Variants in PDSS1 observed in about 807,000 individuals in gnomAD.
PDSS1 encodes all trans-polyprenyl-diphosphate synthase PDSS1.
A neutral mutation model predicts 57.5 loss-of-function variants in PDSS1; 43 were observed. The observed-to-expected ratio is 0.75, with a 90% confidence interval of 0.59 to 0.96. The LOEUF (loss-of-function observed/expected upper bound fraction) is 0.96. PDSS1 is among the 50% of genes least tolerant of loss of function. The probability of loss-of-function intolerance (pLI) is 0.00; values close to 1 mark genes in which losing one functional copy is unlikely to be tolerated. For missense variants in PDSS1, 438 were observed against 527.8 expected (o/e 0.83, Z 1.67); for synonymous variants, 175 against 191.3 (o/e 0.91, Z 0.70).
At chr10:26,713,899 C>G (rs1229655833) in intron 5 of PDSS1, among the ~76,000 whole-genome samples, 1 of 151,942 alleles carries the variant, frequency 6.6e-6, no homozygotes, top group Non-Finnish European at 1.5e-5. Context: ...TAGGCTGTGC[C>G]CCTTCGGGAG....
At chr10:26,700,111 A>G (rs192515962) in intron 1 of PDSS1, among the ~76,000 whole-genome samples, 1 of 152,358 alleles carries the variant, frequency 6.6e-6, no homozygotes, top group Admixed American at 6.5e-5. Flanking sequence ...TTGTAATACA[A>G]TAAAAACCAG....
rs1835440463 is a variant in PDSS1, at chr10:26,712,854, C to G, written c.467+3086C>G. 2.0e-5 allele frequency among the ~76,000 whole-genome samples: 2 copies of G among 98,736 alleles called. 1 individual carries two copies. Among genetic ancestry groups the G allele is most frequent in the South Asian group, 5.4e-4 (2 of 3,730 alleles). 64.8% of individuals were successfully genotyped at this position (98,736 alleles called of 152,430 possible). ...TCAGTGAACCTGACATTGAACCTGA[C>G]AGGCTTGCTTGTTGGTGATGTCATA... is the stretch of plus-strand genomic sequence containing the variant. On this transcript the variant is annotated intron_variant, in intron 5 of 11. Transcript: ENST00000376215.
chr10:26,736,292 A>G (rs997043736), intron 10 of PDSS1, among the ~76,000 whole-genome samples: 3 of 152,258 alleles, frequency 2.0e-5, no homozygotes, highest in African/African-American at 7.2e-5. Context: ...GTTACTTGAA[A>G]TAAGTGAGAC....
chr10:26,707,066 T>C (rs1564417998), intron 4 of PDSS1, among the ~76,000 whole-genome samples: 1 of 152,172 alleles, frequency 6.6e-6, no homozygotes, highest in Non-Finnish European at 1.5e-5. Context: ...TCCAGGGACT[T>C]GCATCCCGTC....
intron 10 of PDSS1, among the ~76,000 whole-genome samples, chr10:26,738,355 T>C: frequency 6.6e-6 from 1 of 152,220 alleles, no homozygotes; most frequent in East Asian, 1.9e-4. Flanking sequence ...AAACATCTGG[T>C]AAATGGCACA....
At position 26,697,847 on chromosome 10, in the gene PDSS1, T is replaced by C. The variant is rs886046934; in HGVS notation, c.129+7T>C. The C allele has an allele frequency of 1.5e-6, 2 of 1,313,658 alleles. No homozygotes were observed. Among genetic ancestry groups the C allele is most frequent in the Non-Finnish European group, 2.0e-6 (2 of 1,022,916 alleles). 81.4% of individuals were successfully genotyped at this position (1,313,658 alleles called of 1,614,324 possible). A position where few individuals can be genotyped will look rare whatever the true frequency, so the allele number is the denominator to read the frequency against. On this transcript the variant is annotated splice_region_variant and intron_variant, in intron 1 of 11. Coordinates refer to ENST00000376215, the MANE Select transcript of PDSS1 (RefSeq NM_014317.5). Reference sequence around the variant, plus strand: ...TGCCGAAGTCCGCGCGCAGGTGAGGTTGGGAGGCGCGCGCCCGGCGGGGCT... The same window carrying C: ...TGCCGAAGTCCGCGCGCAGGTGAGGCTGGGAGGCGCGCGCCCGGCGGGGCT...
chr10:26,710,052 GCT>G (rs1271638119), intron 5 of PDSS1, among the ~76,000 whole-genome samples: 7 of 151,522 alleles, frequency 4.6e-5, no homozygotes, highest in Non-Finnish European at 5.9e-5. Flanking sequence ...TACTTGGGAG[GCT>G]GAGGCAGGAG....
rs199508560 is a variant in PDSS1, at chr10:26,705,949, C to T, written c.336+555C>T. ...AAGGAAAAAAATGGTCCAGGTAGCT[C>T]ATGCTTGTCCAATGAGTTATCCCAC... On this transcript the variant is annotated intron_variant, in intron 4 of 11. Transcript: ENST00000376215. Among the ~76,000 whole-genome samples, 5 of 152,316 alleles carry T rather than the reference C, an allele frequency of 3.3e-5. No individual in the cohort carries two copies. The East Asian group carries it at 9.6e-4, about 29-fold the overall frequency.
chr10:26,714,095 C>T (rs1835481378), intron 5 of PDSS1, among the ~76,000 whole-genome samples: 1 of 152,156 alleles, frequency 6.6e-6, no homozygotes, highest in African/African-American at 2.4e-5. Context: ...TAAACTTCAT[C>T]TCAGAGTCTG....
At chr10:26,721,232 G>C (rs1835770575) in intron 6 of PDSS1, among the ~76,000 whole-genome samples, 1 of 151,558 alleles carries the variant, frequency 6.6e-6, no homozygotes, top group Admixed American at 6.6e-5. Flanking sequence ...CTGGGAGAGG[G>C]AGGTTGCAGT....
At chr10:26,709,375 C>T (rs903139691) in intron 4 of PDSS1, among the ~76,000 whole-genome samples, 8 of 152,138 alleles carry the variant, frequency 5.3e-5, no homozygotes, top group East Asian at 1.9e-4. Flanking sequence ...GCCTGGCCAA[C>T]GTGGTGAAAT....
Position 26,710,838 on chromosome 10 carries a change from G to A in PDSS1, c.467+1070G>A, listed in dbSNP as rs1835392851. On this transcript the variant is annotated intron_variant, in intron 5 of 11. Transcript: ENST00000376215. ...ACAGGACTGGGTAGCAGGAGAAGCT[G>A]AGCTGGAATCAACAGCCTGAAACAC... is the stretch of plus-strand genomic sequence containing the variant. Among the ~76,000 whole-genome samples, 2 of 99,316 alleles carry A rather than the reference G, an allele frequency of 2.0e-5. 1 individual carries two copies. Among genetic ancestry groups the A allele is most frequent in the South Asian group, 5.3e-4 (2 of 3,772 alleles). The allele number at this position is 99,316 out of a possible 152,430, so 65.2% of individuals were successfully genotyped here.
Position 26,697,770 on chromosome 10 carries a change from GC to G in PDSS1, c.63del (p.Gly24AlafsTer38). On this transcript the variant is annotated frameshift_variant, in exon 1 of 12. Transcript: ENST00000376215. LOFTEE classifies it high-confidence loss of function. ...RGCSWKPAAR[S>X]PGPGSPGRAG... is the part of the protein sequence containing the mutation. Reference sequence around the variant, plus strand: ...TGCTCCTGGAAGCCGGCGGCGCGGAGCCCCGGGCCCGGCTCCCCCGGCCGTG... The same window carrying G: ...TGCTCCTGGAAGCCGGCGGCGCGGAGCCCGGGCCCGGCTCCCCCGGCCGTG... 1.5e-6 allele frequency: 2 copies of G among 1,293,364 alleles called. No homozygotes were observed. The highest frequency in any genetic ancestry group is 1.9e-6 in the Non-Finnish European group (2 of 1,026,124). 80.1% of individuals were successfully genotyped at this position (1,293,364 alleles called of 1,614,324 possible). A position where few individuals can be genotyped will look rare whatever the true frequency, so the allele number is the denominator to read the frequency against.
chr10:26,711,812 G>A (rs1293226202), intron 5 of PDSS1, among the ~76,000 whole-genome samples: 1 of 93,728 alleles, frequency 1.1e-5, no homozygotes, highest in Non-Finnish European at 2.4e-5. Context: ...ATGGTCCCAC[G>A]CAGCGCAGAT....
chr10:26,737,100 T>G (rs1015530194), intron 10 of PDSS1, among the ~76,000 whole-genome samples: 1 of 152,224 alleles, frequency 6.6e-6, no homozygotes, highest in Non-Finnish European at 1.5e-5. Flanking sequence ...TTCCTTTACC[T>G]AGGCTCAGAT....
chr10:26,707,167 G>A (rs1835259205), intron 4 of PDSS1, among the ~76,000 whole-genome samples: 2 of 152,148 alleles, frequency 1.3e-5, no homozygotes, highest in Admixed American at 6.5e-5. Context: ...GTTTACCGGA[G>A]TTTTGCGCAT....
chr10:26,734,232 C>G (rs1331945937), intron 8 of PDSS1, among the ~76,000 whole-genome samples: 2 of 152,258 alleles, frequency 1.3e-5, no homozygotes, highest in African/African-American at 2.4e-5. Context: ...AAAGTTCACT[C>G]CCTGACTGGA....
intron 6 of PDSS1, among the ~76,000 whole-genome samples, chr10:26,722,166 G>C (rs948041326): frequency 1.3e-5 from 2 of 152,172 alleles, no homozygotes; most frequent in African/African-American, 4.8e-5. Flanking sequence ...AGCTGCTAAT[G>C]ATGTAGGGGC....
chr10:26,709,388 C>T (rs889135015), intron 4 of PDSS1, among the ~76,000 whole-genome samples: 11 of 151,992 alleles, frequency 7.2e-5, no homozygotes, highest in Non-Finnish European at 1.2e-4. Flanking sequence ...GGTGAAATCC[C>T]GTCTCTACTA....
Sources: allele counts gnomAD v4.1 joint callset (sites outside exome capture counted in the v4.1 genomes callset), GRCh38; gene constraint gnomAD v4.1.1; transcripts MANE v1.5; gene names NCBI Gene and HGNC (gene_info 2026-07-23, HGNC 2026-07-21).